GAL3ST2: variants seen among roughly 807,000 people sequenced by gnomAD.
The protein encoded by GAL3ST2 is beta-galactose-3-O-sulfotransferase 2.
GAL3ST2 carries 16 observed loss-of-function variants against 12.9 expected under a neutral mutation model. The ratio of observed to expected loss-of-function variants is 1.24; its 90% confidence interval spans 0.84 to 1.88. GAL3ST2 has a LOEUF of 1.88. GAL3ST2 is among the 40% of genes most tolerant of loss of function. GAL3ST2 has a pLI of 0.00. For missense variants in GAL3ST2, 639 were observed against 571.8 expected, an observed-to-expected ratio of 1.12 and a Z score of -1.20; for synonymous variants, 302 against 273.9, an observed-to-expected ratio of 1.10 and a Z score of -1.01.
At chr2:241,798,769 G>A (rs1177510169) in intron 1 of GAL3ST2, among the ~76,000 whole-genome samples, 1 of 152,150 alleles carries the variant, frequency 6.6e-6, no homozygotes, top group Non-Finnish European at 1.5e-5. Flanking sequence ...TCTGGTCCCA[G>A]GAGCGCGGCC....
At position 241,799,106 on chromosome 2, in the gene GAL3ST2, T is replaced by C; in HGVS notation, c.71T>C (p.Leu24Pro). Residue 24 changes from leucine to proline, a missense_variant, in exon 2 of 4, where the codon CTG (leucine) becomes CCG (proline). Leu to Pro is a moderately conservative substitution (Grantham distance 98). Transcript: ENST00000192314. ...CTCCTCCTCCTCCTGGCCCTGACTCTGCTCCTGCTGGCCGGATTCCTGCAC... is the reference window on the plus strand; with the variant it reads ...CTCCTCCTCCTCCTGGCCCTGACTCCGCTCCTGCTGGCCGGATTCCTGCAC... The part of the protein sequence containing the change: ...VILLLLLALT[L>P]LLLAGFLHSD... 6.2e-7 allele frequency: 1 copy of C among 1,613,784 alleles called. No homozygotes were observed. The highest frequency in any genetic ancestry group is 8.5e-7 in the Non-Finnish European group (1 of 1,180,018).
In GAL3ST2 at chr2:241,801,649, G is replaced by T; in HGVS notation, c.120-132G>T. ...CCATGGGTCGGTGCCTACCCAGTTGGCCCCCTGGCCTAGAGTTGGGGGGCT... is the reference window on the plus strand; with the variant it reads ...CCATGGGTCGGTGCCTACCCAGTTGTCCCCCTGGCCTAGAGTTGGGGGGCT... On this transcript the variant is annotated intron_variant, in intron 2 of 3. Coordinates refer to ENST00000192314, the MANE Select transcript of GAL3ST2 (RefSeq NM_022134.3). This position sits in a 1 kb window ranked among gnomAD's most constrained non-coding sequence, Gnocchi z 4.4. The T allele has an allele frequency of 8.0e-7, 1 of 1,245,452 alleles. No individual in the cohort carries two copies. Among genetic ancestry groups the T allele is most frequent in the South Asian group, 1.5e-5 (1 of 66,468 alleles). The allele number at this position is 1,245,452 out of a possible 1,614,324, so 77.2% of individuals were successfully genotyped here. A position where few individuals can be genotyped will look rare whatever the true frequency, so the allele number is the denominator to read the frequency against.
At position 241,780,538 on chromosome 2, in the gene GAL3ST2, A is replaced by G. The variant is rs578093935; in HGVS notation, c.29+3554A>G. ...TCTCAAAAAAACAAAATGACAACAA[A>G]AAAGAAACATAATCTTTTCTCTCTC... On this transcript the variant is annotated intron_variant, in intron 1 of 3. Coordinates refer to ENST00000192314, the MANE Select transcript of GAL3ST2 (RefSeq NM_022134.3). 1.4e-3 allele frequency among the ~76,000 whole-genome samples: 207 copies of G among 152,266 alleles called. 1 individual carries two copies. The highest frequency in any genetic ancestry group is 4.8e-3 in the African/African-American group (199 of 41,570).
chr2:241,783,367 C>T (rs1699588855), intron 1 of GAL3ST2, among the ~76,000 whole-genome samples: 2 of 152,104 alleles, frequency 1.3e-5, no homozygotes, highest in African/African-American at 4.8e-5. Context: ...TACTCTAGGA[C>T]TAAATTTACC....
intron 1 of GAL3ST2, among the ~76,000 whole-genome samples, chr2:241,785,023 G>A (rs540387361): frequency 1.3e-5 from 2 of 152,318 alleles, no homozygotes; most frequent in South Asian, 4.1e-4. Context: ...TACCTATATT[G>A]TAACTGGACC....
intron 1 of GAL3ST2, among the ~76,000 whole-genome samples, chr2:241,783,595 A>G (rs1234945848): frequency 6.6e-6 from 1 of 152,166 alleles, no homozygotes; most frequent in African/African-American, 2.4e-5. Context: ...TGAAATATCT[A>G]TTATCTAATT....
Position 241,801,957 on chromosome 2 carries a change from T to C in GAL3ST2, c.296T>C (p.Leu99Pro), listed in dbSNP as rs1405724977. ...CACCTGGGCTACCCCTGGCTCTTCC[T>C]GGCGCGCTACGTGGAAGGCGTGGGG... ...RVHLGYPWLF[L>P]ARYVEGVGSQ... Residue 99 changes from leucine to proline, a missense_variant, in exon 3 of 4, where the codon CTG (leucine) becomes CCG (proline). Coordinates refer to ENST00000192314, the MANE Select transcript of GAL3ST2 (RefSeq NM_022134.3). This position sits in a 1 kb window ranked among gnomAD's most constrained non-coding sequence, Gnocchi z 4.4. The C allele has an allele frequency of 6.2e-7, 1 of 1,612,926 alleles. No individual in the cohort carries two copies. The highest frequency in any genetic ancestry group is 1.3e-5 in the African/African-American group (1 of 74,944).
intron 1 of GAL3ST2, among the ~76,000 whole-genome samples, chr2:241,796,108 C>T (rs1342656650): frequency 6.6e-6 from 1 of 152,234 alleles, no homozygotes; most frequent in Non-Finnish European, 1.5e-5. Context: ...TCGAGACCCA[C>T]ACCCTTGGTG....
chr2:241,792,244 G>C (rs553063025), intron 1 of GAL3ST2, among the ~76,000 whole-genome samples: 2 of 151,660 alleles, frequency 1.3e-5, no homozygotes, highest in African/African-American at 4.8e-5. Flanking sequence ...TGGTCAGGCT[G>C]GTCTCAAACT....
chr2:241,798,521 C>A (rs905213678), intron 1 of GAL3ST2, among the ~76,000 whole-genome samples: 3 of 152,182 alleles, frequency 2.0e-5, no homozygotes, highest in Non-Finnish European at 4.4e-5. Context: ...ACACGAATCC[C>A]ATTACAGGGA....
At chr2:241,784,461 T>A (rs1699604240) in intron 1 of GAL3ST2, among the ~76,000 whole-genome samples, 1 of 152,230 alleles carries the variant, frequency 6.6e-6, no homozygotes, top group Admixed American at 6.5e-5. Flanking sequence ...AGGAAATTGC[T>A]TGATTAACAA....
At chr2:241,779,423 T>C (rs1351963206) in intron 1 of GAL3ST2, among the ~76,000 whole-genome samples, 5 of 150,674 alleles carry the variant, frequency 3.3e-5, no homozygotes, top group East Asian at 4.0e-4. Context: ...TTAGTAGAGA[T>C]GGGGTTTCAC....
chr2:241,801,628 G>A lies in GAL3ST2; in HGVS notation c.120-153G>A. On this transcript the variant is annotated intron_variant, in intron 2 of 3. Coordinates refer to ENST00000192314, the MANE Select transcript of GAL3ST2 (RefSeq NM_022134.3). The surrounding 1 kb of genome is among the most constrained non-coding windows in gnomAD (Gnocchi z 4.4). ...GGAGTGGGGCAAGGATTGGGGCCAT[G>A]GGTCGGTGCCTACCCAGTTGGCCCC... is the stretch of plus-strand genomic sequence containing the variant. 1.0e-6 allele frequency: 1 copy of A among 955,840 alleles called. No individual in the cohort carries two copies. Among genetic ancestry groups the A allele is most frequent in the Non-Finnish European group, 1.5e-6 (1 of 660,024 alleles). The allele number at this position is 955,840 out of a possible 1,614,324, so 59.2% of individuals were successfully genotyped here. A position where few individuals can be genotyped will look rare whatever the true frequency, so the allele number is the denominator to read the frequency against.
chr2:241,799,730 C>T (rs1055558039), intron 2 of GAL3ST2, among the ~76,000 whole-genome samples: 1 of 152,210 alleles, frequency 6.6e-6, no homozygotes, highest in Admixed American at 6.5e-5. Flanking sequence ...ACAGAGGAAG[C>T]ACCAATCCCT....
chr2:241,792,267 T>C (rs2125193397), intron 1 of GAL3ST2, among the ~76,000 whole-genome samples: 1 of 152,046 alleles, frequency 6.6e-6, no homozygotes, highest in Non-Finnish European at 1.5e-5. Flanking sequence ...TGAACTCAGG[T>C]GATCCACCTG....
chr2:241,803,966 C>G lies in GAL3ST2; in HGVS notation c.997C>G (p.Gln333Glu), dbSNP rs750600154. 5 of 1,520,084 alleles carry G rather than the reference C, an allele frequency of 3.3e-6. No homozygotes were observed. The highest frequency in any genetic ancestry group is 1.4e-5 in the African/African-American group (1 of 69,564). The allele number at this position is 1,520,084 out of a possible 1,614,324, so 94.2% of individuals were successfully genotyped here. Residue 333 changes from glutamine to glutamate, a missense_variant, in exon 4 of 4, where the codon CAG (glutamine) becomes GAG (glutamate). Gln to Glu is a conservative substitution (Grantham distance 29). Coordinates refer to ENST00000192314, the MANE Select transcript of GAL3ST2 (RefSeq NM_022134.3). ...QDGGALKNHTQIRDPRLRPYQ... is the reference protein window; with the variant it reads ...QDGGALKNHTEIRDPRLRPYQ... ...CGGCGGCGCGCTCAAGAACCACACGCAGATCAGAGACCCGCGCCTGCGCCC... is the reference window on the plus strand; with the variant it reads ...CGGCGGCGCGCTCAAGAACCACACGGAGATCAGAGACCCGCGCCTGCGCCC...
intron 1 of GAL3ST2, among the ~76,000 whole-genome samples, chr2:241,789,197 GT>G (rs1286175609): frequency 6.6e-6 from 1 of 152,148 alleles, no homozygotes; most frequent in African/African-American, 2.4e-5. Flanking sequence ...AAAAACCACT[GT>G]TTCGATCTAG....
At chr2:241,789,023 T>G (rs1461201258) in intron 1 of GAL3ST2, among the ~76,000 whole-genome samples, 2 of 152,172 alleles carry the variant, frequency 1.3e-5, no homozygotes, top group Non-Finnish European at 2.9e-5. Context: ...TTAAGGCACA[T>G]CTACTTGCCA....
chr2:241,797,384 CTA>C (rs1480495883), intron 1 of GAL3ST2, among the ~76,000 whole-genome samples: 1 of 152,222 alleles, frequency 6.6e-6, no homozygotes, highest in Non-Finnish European at 1.5e-5. Context: ...CTGGCCATCA[CTA>C]TATGTTTTTT....
Sources: gnomAD v4.1 joint callset for allele counts (sites outside exome capture counted in the v4.1 genomes callset) on GRCh38, gnomAD v4.1.1 for gene constraint, Gnocchi (gnomAD v3.1) non-coding constraint, MANE v1.5 for transcripts, NCBI Gene and HGNC (gene_info 2026-07-23, HGNC 2026-07-21) for gene names.